SART3: variants seen among roughly 807,000 people sequenced by gnomAD.
SART3 encodes HIV-1 Tat-interacting protein of 110kDa.
Under a neutral mutation model 122.3 loss-of-function variants are expected in SART3, and 44 were observed. The ratio of observed to expected loss-of-function variants is 0.36; its 90% CI spans 0.28 to 0.46. SART3 has a LOEUF of 0.46. SART3 is among the 20% of genes least tolerant of loss of function. The pLI is 1.00. For missense variants in SART3, 1,101 were observed against 1,229.0 expected (o/e 0.90, Z 1.56); for synonymous variants, 442 against 454.0 (o/e 0.97, Z 0.34).
At chr12:108,530,465 G>C (rs1872627162) in intron 14 of SART3, among the ~76,000 whole-genome samples, 155 bp from the exon 15 acceptor site, 1 of 152,168 alleles carries the variant, frequency 6.6e-6, no homozygotes, top group South Asian at 2.1e-4. Flanking sequence ...TTCCACACCA[G>C]GGCTCATTCA....
chr12:108,544,607 C>T (rs1873318871), intron 4 of SART3, 129 bp from the exon 5 acceptor site: 1 of 1,320,092 alleles, frequency 7.6e-7, no homozygotes, highest in South Asian at 1.2e-5. Flanking sequence ...CTTGCTGTCA[C>T]CCTGGCTGGA....
chr12:108,522,898 A>G lies in SART3; in HGVS notation c.*559T>C, dbSNP rs1872191529. On this transcript the variant is annotated 3_prime_UTR_variant, in exon 19 of 19. Coordinates refer to ENST00000546815, the MANE Select transcript of SART3 (RefSeq NM_014706.4). ...ATTCTGCTTTTAGGAAACATGAAAC[A>G]ATGGCTGACATGTCATTTACAAACA... The G allele has an allele frequency of 6.3e-6, 1 of 158,618 alleles. No individual in the cohort carries two copies. The highest frequency in any genetic ancestry group is 2.4e-5 in the African/African-American group (1 of 41,496). The allele number at this position is 158,618 out of a possible 1,614,324, so 9.8% of individuals were successfully genotyped here.
chr12:108,541,289 C>T (rs1284738429), intron 6 of SART3, among the ~76,000 whole-genome samples: 1 of 151,982 alleles, frequency 6.6e-6, no homozygotes, highest in Non-Finnish European at 1.5e-5. Flanking sequence ...GGCCTATAAT[C>T]CCAGCTAATT....
intron 8 of SART3, 78 bp downstream of exon 8, chr12:108,537,987 T>C: frequency 6.3e-7 from 1 of 1,578,196 alleles, no homozygotes; most frequent in Non-Finnish European, 8.7e-7. Context: ...GGAACACTGA[T>C]GTAATGACTT....
intron 11 of SART3, among the ~76,000 whole-genome samples, chr12:108,536,258 A>C (rs533744287): frequency 2.6e-5 from 4 of 152,376 alleles, no homozygotes; most frequent in African/African-American, 9.6e-5. Context: ...AAACGAGTGA[A>C]TACCTAGCAT....
intron 1 of SART3, among the ~76,000 whole-genome samples, chr12:108,557,642 T>C (rs2030287578): frequency 6.6e-6 from 1 of 152,180 alleles, no homozygotes; most frequent in Non-Finnish European, 1.5e-5. Context: ...TTTTACTAAC[T>C]GGGACACCCA....
At chr12:108,550,013 C>CAAAAA (rs10572379) in intron 1 of SART3, among the ~76,000 whole-genome samples, 5 of 88,242 alleles carry the variant, frequency 5.7e-5, no homozygotes, top group African/African-American at 8.9e-5. Context: ...GACCCAATCT[C>CAAAAA]AAAAAAAAAA....
chr12:108,526,566 A>G lies in SART3; in HGVS notation c.1916-13T>C. On this transcript the variant is annotated splice_polypyrimidine_tract_variant and intron_variant, in intron 15 of 18. Transcript: ENST00000546815. Reference sequence around the variant, plus strand: ...TTGGAAGGCTGCTCTACAGGTTTTCAAAAGAAAAGTAGCCATGGTTAACTG... The same window carrying G: ...TTGGAAGGCTGCTCTACAGGTTTTCGAAAGAAAAGTAGCCATGGTTAACTG... The G allele has an allele frequency of 6.2e-7, 1 of 1,612,868 alleles. No homozygotes were observed. The highest frequency in any genetic ancestry group is 8.5e-7 in the Non-Finnish European group (1 of 1,179,944).
rs1364999746 is a variant in SART3 at position 108,524,389 on chromosome 12, T to G, written c.2641A>C (p.Arg881=). The G allele has an allele frequency of 6.2e-7, 1 of 1,614,196 alleles. No individual in the cohort carries two copies. The highest frequency in any genetic ancestry group is 8.5e-7 in the Non-Finnish European group (1 of 1,180,004). ...GTCTCCGGCTTCTCTGGAACTTTCC[T>G]CTGAGGAGGGTTGCTGATTGCCACT... is the stretch of plus-strand genomic sequence containing the variant. ...IKVAISNPPQ[R]KVPEKPETRK... Residue 881 remains arginine, a synonymous_variant, in exon 18 of 19, where the codon AGG becomes CGG. Coordinates refer to ENST00000546815, the MANE Select transcript of SART3 (RefSeq NM_014706.4).
intron 6 of SART3, among the ~76,000 whole-genome samples, chr12:108,541,391 G>A (rs185148483): frequency 4.7e-4 from 72 of 152,158 alleles, no homozygotes; most frequent in African/African-American, 1.6e-3. Context: ...CTGGGTGAAA[G>A]CGAAACTCCA....
intron 1 of SART3, among the ~76,000 whole-genome samples, chr12:108,551,758 T>C (rs2030019224): frequency 2.0e-5 from 3 of 152,144 alleles, no homozygotes; most frequent in Non-Finnish European, 4.4e-5. Flanking sequence ...AGAGTATGTT[T>C]TGTGACCACA....
At chr12:108,537,995 C>T (rs750321994) in intron 8 of SART3, 70 bp downstream of exon 8, 72 of 1,600,926 alleles carry the variant, frequency 4.5e-5, no homozygotes, top group Non-Finnish European at 6.1e-5. Flanking sequence ...GATGTAATGA[C>T]TTTGTCACCG....
In SART3 at chr12:108,544,630, G is replaced by A. The variant is rs1006217876; in HGVS notation, c.730-152C>T. ...CACCCTGGCTGGAGTGTGGTGGTGT[G>A]ATCACAACTCACTACAGCCTCACAC... On this transcript the variant is annotated intron_variant, in intron 4 of 18. Coordinates refer to ENST00000546815, the MANE Select transcript of SART3 (RefSeq NM_014706.4). 18 of 1,024,692 alleles carry A rather than the reference G, an allele frequency of 1.8e-5. No individual in the cohort carries two copies. In the East Asian group the frequency reaches 4.0e-4, roughly 23 times the overall value. The allele number at this position is 1,024,692 out of a possible 1,614,324, so 63.5% of individuals were successfully genotyped here.
intron 1 of SART3, among the ~76,000 whole-genome samples, chr12:108,558,038 G>T (rs6539441): frequency 0.74 from 112,528 of 151,810 alleles, 43,597 homozygotes; most frequent in East Asian, 0.92. Context: ...GCATGGGGGT[G>T]CATGCCTGTA....
intron 15 of SART3, among the ~76,000 whole-genome samples, chr12:108,527,940 A>AT (rs1455015508): frequency 6.6e-6 from 1 of 151,838 alleles, no homozygotes; most frequent in African/African-American, 2.4e-5. Context: ...TAATTTTTGT[A>AT]TTTTTAGTAG....
chr12:108,530,621 C>T (rs987750728), intron 14 of SART3, among the ~76,000 whole-genome samples: 8 of 152,244 alleles, frequency 5.3e-5, no homozygotes, highest in Non-Finnish European at 7.4e-5. Context: ...CTTTGGGAGG[C>T]CGAGATGGGT....
rs752265070 is a variant in SART3 at position 108,525,502 on chromosome 12, G to A, written c.2478C>T (p.Thr826=). ...TGGTGACCAGCCTGAGGTCCTTCAC[G>A]GTGCCATGAGCCTTACAGATTTCTT... ...ELEEICKAHG[T]VKDLRLVTNR... Residue 826 remains threonine, a synonymous_variant, in exon 17 of 19, where the codon ACC becomes ACT. Transcript: ENST00000546815. 21 of 1,614,010 alleles carry A rather than the reference G, an allele frequency of 1.3e-5. No homozygotes were observed. The highest frequency in any genetic ancestry group is 1.6e-5 in the Non-Finnish European group (19 of 1,180,036).
At chr12:108,533,313 TTTTTAA>T (rs1282478538) in intron 12 of SART3, among the ~76,000 whole-genome samples, 1 of 152,060 alleles carries the variant, frequency 6.6e-6, no homozygotes, top group African/African-American at 2.4e-5. Context: ...AGTAGAAATC[TTTTTAA>T]TGCACTGTGT....
intron 1 of SART3, among the ~76,000 whole-genome samples, chr12:108,553,790 G>T (rs2030104564): frequency 6.6e-6 from 1 of 152,214 alleles, no homozygotes; most frequent in African/African-American, 2.4e-5. Context: ...GGATTACGGG[G>T]TTTTGTTCAA....
Sources: allele counts gnomAD v4.1 joint callset (sites outside exome capture counted in the v4.1 genomes callset), GRCh38; gene constraint gnomAD v4.1.1; transcripts MANE v1.5; gene names NCBI Gene and HGNC (gene_info 2026-07-23, HGNC 2026-07-21).